The following CFAP20DC variants were observed in gnomAD, a reference collection of about 807,000 sequenced individuals.
CFAP20DC encodes the protein protein CFAP20DC.
In CFAP20DC, 84 loss-of-function variants were observed where a neutral mutation model predicts 101.7. The ratio of observed to expected loss-of-function variants is 0.83; its 90% CI spans 0.69 to 0.99. The LOEUF is 0.99. CFAP20DC is among the 50% of genes least tolerant of loss of function. The probability of loss-of-function intolerance (pLI) is 0.00; values close to 1 mark genes in which losing one functional copy is unlikely to be tolerated. For synonymous variants in CFAP20DC, 359 were observed against 351.2 expected (o/e 1.02, Z -0.25); for missense variants, 1,007 against 970.3 (o/e 1.04, Z -0.50).
chr3:58,857,162 A>G (rs1161067228), intron 12 of CFAP20DC, among the ~76,000 whole-genome samples: 1 of 152,232 alleles, frequency 6.6e-6, no homozygotes, highest in Non-Finnish European at 1.5e-5. Context: ...ATAACATCAT[A>G]AGGTAGAAGA....
chr3:59,034,719 G>A (rs955328448), intron 4 of CFAP20DC, among the ~76,000 whole-genome samples: 2 of 152,080 alleles, frequency 1.3e-5, no homozygotes, highest in Non-Finnish European at 2.9e-5. Context: ...CCAACAAAGA[G>A]ACTTAGACTC....
At chr3:58,838,966 G>C (rs535581526) in intron 13 of CFAP20DC, among the ~76,000 whole-genome samples, 3 of 152,148 alleles carry the variant, frequency 2.0e-5, no homozygotes, top group Non-Finnish European at 4.4e-5. Context: ...GGTAGTTTAA[G>C]ATATTATTTA....
chr3:58,772,893 A>C (rs552768324), intron 15 of CFAP20DC, among the ~76,000 whole-genome samples: 7 of 152,318 alleles, frequency 4.6e-5, no homozygotes, highest in African/African-American at 1.2e-4. Context: ...AAATTTCTGA[A>C]GAATGCCCAA....
chr3:58,784,161 T>C (rs1219595045), intron 15 of CFAP20DC, among the ~76,000 whole-genome samples: 1 of 152,036 alleles, frequency 6.6e-6, no homozygotes, highest in Non-Finnish European at 1.5e-5. Flanking sequence ...TGCCCACTTA[T>C]GAGTGAGAAC....
At position 58,799,006 on chromosome 3, in the gene CFAP20DC, C is replaced by A. The variant is rs1282089288; in HGVS notation, c.2237+7389G>T. Among the ~76,000 whole-genome samples, 1 of 152,090 alleles carries A rather than the reference C, an allele frequency of 6.6e-6. No individual in the cohort carries two copies. Among genetic ancestry groups the A allele is most frequent in the Non-Finnish European group, 1.5e-5 (1 of 67,996 alleles). ...AAGCTGAAAATTCTTGTGATTTTTG[C>A]TTTACTGTGGTGGTCTGAAACTCAA... is the stretch of plus-strand genomic sequence containing the variant. On this transcript the variant is annotated intron_variant, in intron 15 of 16. Transcript: ENST00000482387. This position sits in a 1 kb window ranked among gnomAD's most constrained non-coding sequence, Gnocchi z 4.9.
At chr3:58,880,095 T>TACAATCATTGACATCAA (rs1198139626) in intron 7 of CFAP20DC, among the ~76,000 whole-genome samples, 337 of 152,210 alleles carry the variant, frequency 2.2e-3, no homozygotes, top group African/African-American at 7.9e-3. Flanking sequence ...TCTGACATCA[T>TACAATCATTGACATCAA]ACAATCATTG....
At chr3:58,981,842 C>A (rs1483512338) in intron 4 of CFAP20DC, among the ~76,000 whole-genome samples, 3 of 152,040 alleles carry the variant, frequency 2.0e-5, no homozygotes, top group Admixed American at 6.6e-5. Flanking sequence ...GCAACAAAAG[C>A]CAAAATTGAC....
intron 15 of CFAP20DC, among the ~76,000 whole-genome samples, chr3:58,784,177 G>C (rs962974726): frequency 6.6e-6 from 1 of 151,930 alleles, no homozygotes; most frequent in East Asian, 1.9e-4. Flanking sequence ...AGAACATATG[G>C]TATTGGTTTT....
intron 4 of CFAP20DC, among the ~76,000 whole-genome samples, chr3:58,980,554 C>T (rs1308122090): frequency 6.6e-6 from 1 of 152,134 alleles, no homozygotes; most frequent in Non-Finnish European, 1.5e-5. Context: ...GTTCAATATA[C>T]ACAAATCAAT....
At chr3:58,978,371 C>A (rs2092371299) in intron 4 of CFAP20DC, among the ~76,000 whole-genome samples, 1 of 152,068 alleles carries the variant, frequency 6.6e-6, no homozygotes, top group South Asian at 2.1e-4. Context: ...ACCTAATTGC[C>A]TCATAGTTGA....
intron 14 of CFAP20DC, among the ~76,000 whole-genome samples, chr3:58,829,320 CAAAAAAAAAA>C (rs551685231): frequency 3.3e-5 from 2 of 59,716 alleles, no homozygotes; most frequent in South Asian, 1.0e-3. Context: ...GACTCAGTCT[CAAAAAAAAAA>C]AAAAAAAAGG....
chr3:58,786,964 G>T (rs1455714280), intron 15 of CFAP20DC, among the ~76,000 whole-genome samples: 1 of 151,516 alleles, frequency 6.6e-6, no homozygotes, highest in Non-Finnish European at 1.5e-5. Flanking sequence ...GCATATATAG[G>T]GTTTGGCACT....
At chr3:58,984,946 C>T (rs1370053450) in intron 4 of CFAP20DC, among the ~76,000 whole-genome samples, 1 of 152,122 alleles carries the variant, frequency 6.6e-6, no homozygotes, top group African/African-American at 2.4e-5. Context: ...CTCTCCATCA[C>T]CCAGGCTAGA....
intron 4 of CFAP20DC, among the ~76,000 whole-genome samples, chr3:58,980,453 T>G (rs1481912260): frequency 6.6e-6 from 1 of 152,154 alleles, no homozygotes; most frequent in African/African-American, 2.4e-5. Context: ...GCAAAAATCC[T>G]CAATAAAATA....
At position 58,818,879 on chromosome 3, in the gene CFAP20DC, A is replaced by G. The variant is rs1237369637; in HGVS notation, c.2176-12423T>C. On this transcript the variant is annotated intron_variant, in intron 14 of 16. Transcript: ENST00000482387. ...CACCACACCTATTCCAAAATTGACC[A>G]CATACTGGGAAGTAAAGCTCTCCTC... is the stretch of plus-strand genomic sequence containing the variant. 7.4e-4 allele frequency among the ~76,000 whole-genome samples: 104 copies of G among 140,882 alleles called. 1 individual carries two copies. Among genetic ancestry groups the G allele is most frequent in the Admixed American group, 7.1e-3 (98 of 13,852 alleles). 92.4% of individuals were successfully genotyped at this position (140,882 alleles called of 152,430 possible).
At chr3:58,745,482 T>C (rs368501603) in intron 16 of CFAP20DC, among the ~76,000 whole-genome samples, 6 of 152,268 alleles carry the variant, frequency 3.9e-5, no homozygotes, top group African/African-American at 1.2e-4. Context: ...GAATGGAAGC[T>C]GGGCTGCTTA....
At chr3:58,826,442 C>G (rs2076045866) in intron 14 of CFAP20DC, among the ~76,000 whole-genome samples, 1 of 152,114 alleles carries the variant, frequency 6.6e-6, no homozygotes, top group Non-Finnish European at 1.5e-5. Flanking sequence ...CTAATGCTAT[C>G]TATCCCTCCC....
At chr3:58,945,723 A>G (rs1431233223) in intron 4 of CFAP20DC, among the ~76,000 whole-genome samples, 3 of 141,910 alleles carry the variant, frequency 2.1e-5, no homozygotes, top group Non-Finnish European at 3.0e-5. Flanking sequence ...TCTGAGACGG[A>G]GTCTCGTTCT....
At chr3:58,792,299 G>C (rs1282488548) in intron 15 of CFAP20DC, among the ~76,000 whole-genome samples, 1 of 152,124 alleles carries the variant, frequency 6.6e-6, no homozygotes, top group Non-Finnish European at 1.5e-5. Context: ...GTTTGGGCTA[G>C]ATACAAATGT....
Sources: gnomAD v4.1 joint callset for allele counts (sites outside exome capture counted in the v4.1 genomes callset) on GRCh38, gnomAD v4.1.1 for gene constraint, Gnocchi (gnomAD v3.1) non-coding constraint, MANE v1.5 for transcripts, NCBI Gene and HGNC (gene_info 2026-07-23, HGNC 2026-07-21) for gene names.